The following COLEC12 variants were observed in gnomAD, a reference collection of about 807,000 sequenced individuals.
COLEC12 encodes the protein collectin-12.
In COLEC12, 33 loss-of-function variants were observed where a neutral mutation model predicts 71.1. That is an observed-to-expected ratio of 0.46 (90% CI 0.35 to 0.62). COLEC12 has a LOEUF of 0.62. Among genes scored for constraint, COLEC12 ranks in the 20% least tolerant of loss-of-function variants. The probability of loss-of-function intolerance (pLI) is 0.00; values close to 1 mark genes in which losing one functional copy is unlikely to be tolerated. For synonymous variants in COLEC12, 350 were observed against 353.0 expected, an observed-to-expected ratio of 0.99 and a Z score of 0.10; for missense variants, 765 against 916.1, an observed-to-expected ratio of 0.84 and a Z score of 2.13.
rs868490881 is a variant in COLEC12 at position 368,847 on chromosome 18, C to G, written c.59-11325G>C. Among the ~76,000 whole-genome samples the G allele has an allele frequency of 3.9e-5, 6 of 152,326 alleles. No individual in the cohort carries two copies. In the East Asian group the frequency reaches 1.2e-3, roughly 29 times the overall value. On this transcript the variant is annotated intron_variant, in intron 2 of 9. Coordinates refer to ENST00000400256, the MANE Select transcript of COLEC12 (RefSeq NM_130386.3). ...CGTCACTGCACTCCAGCCTGGGCAA[C>G]AGAGCGAGACTCCGTCTCAAAAACA...
At chr18:338,393 T>C (rs1914167305) in intron 5 of COLEC12, among the ~76,000 whole-genome samples, 2 of 152,150 alleles carry the variant, frequency 1.3e-5, no homozygotes, top group African/African-American at 4.8e-5. Context: ...CCAGGTGAGA[T>C]CAGTAGGGAC....
chr18:335,008 G>A lies in COLEC12; in HGVS notation c.1550C>T (p.Pro517Leu). 6.3e-7 allele frequency: 1 copy of A among 1,584,400 alleles called. No homozygotes were observed. The highest frequency in any genetic ancestry group is 8.5e-7 in the Non-Finnish European group (1 of 1,170,658). Residue 517 changes from proline (P) to leucine (L), a missense_variant, in exon 6 of 10, where the codon CCC becomes CTC. Coordinates refer to ENST00000400256, the MANE Select transcript of COLEC12 (RefSeq NM_130386.3). The stretch of plus-strand genomic sequence containing the variant: ...GTCCCCACTGGAGCCCTGAGGGCCG[G>A]GCTTCCCAGGGGAACCACGGGAGCC... The part of the protein sequence containing the change: ...PKGSRGSPGK[P>L]GPQGSSGDPG...
At chr18:372,874 G>T (rs1456059969) in intron 2 of COLEC12, among the ~76,000 whole-genome samples, 6 of 152,200 alleles carry the variant, frequency 3.9e-5, no homozygotes, top group Non-Finnish European at 8.8e-5. Context: ...TCCACATGTA[G>T]TCCCATATTC....
At chr18:323,454 A>G (rs1449721888) in intron 8 of COLEC12, among the ~76,000 whole-genome samples, 3 of 152,214 alleles carry the variant, frequency 2.0e-5, no homozygotes, top group Non-Finnish European at 4.4e-5. Flanking sequence ...GAGAAGAGAC[A>G]AAGTCCCAAC....
In COLEC12 at chr18:347,053, C is replaced by T. The variant is rs1308695137; in HGVS notation, c.569G>A (p.Gly190Asp). The change falls in exon 5 of 10, where the codon GGC becomes GAC. Residue 190 changes from glycine to aspartate, a missense_variant. Physicochemically the swap from Gly to Asp is moderately conservative, Grantham distance 94 (BLOSUM62 -1). Coordinates refer to ENST00000400256, the MANE Select transcript of COLEC12 (RefSeq NM_130386.3). ...AGAATACATTTGGTTCTGCAGATTG[C>T]CCTGGAGCACGCTGGTATCTTGCTG... ...NLQQDTSVLQ[G>D]NLQNQMYSHN... 2 of 1,614,164 alleles carry T rather than the reference C, an allele frequency of 1.2e-6. No homozygotes were observed. The highest frequency in any genetic ancestry group is 1.1e-5 in the South Asian group (1 of 91,068).
At chr18:489,886 GA>G (rs893612699) in intron 1 of COLEC12, among the ~76,000 whole-genome samples, 5 of 151,948 alleles carry the variant, frequency 3.3e-5, no homozygotes, top group African/African-American at 1.2e-4. Context: ...TACTTAAGAT[GA>G]AAAAAAAGTG....
intron 2 of COLEC12, among the ~76,000 whole-genome samples, chr18:432,061 C>T (rs1916314982): frequency 6.6e-6 from 1 of 152,156 alleles, no homozygotes; most frequent in African/African-American, 2.4e-5. Flanking sequence ...AAGATCACTG[C>T]TGTCATTAAC....
At position 442,661 on chromosome 18, in the gene COLEC12, T is replaced by C. The variant is rs192014691; in HGVS notation, c.58+38046A>G. On this transcript the variant is annotated intron_variant, in intron 2 of 9. Transcript: ENST00000400256. ...TCTTCTGCACAATCCTACAGGCATC[T>C]GTCTAAAAGCTGCAAGTCAGCCGGG... Among the ~76,000 whole-genome samples the C allele has an allele frequency of 3.2e-3, 481 of 152,342 alleles. 4 individuals are homozygous for C. The highest frequency in any genetic ancestry group is 0.011 in the African/African-American group (466 of 41,578).
Position 480,881 on chromosome 18 carries a change from C to G in COLEC12, c.8-124G>C, listed in dbSNP as rs926067482. ...AGCAGCTTTCCTTCTGCTCGTGGATCGCACCAGGCTTTCTGGAAGAGGCGG... is the reference window on the plus strand; with the variant it reads ...AGCAGCTTTCCTTCTGCTCGTGGATGGCACCAGGCTTTCTGGAAGAGGCGG... On this transcript the variant is annotated intron_variant, in intron 1 of 9. Transcript: ENST00000400256. This position sits in a 1 kb window ranked among gnomAD's most constrained non-coding sequence, Gnocchi z 4.1. The G allele has an allele frequency of 1.9e-5, 16 of 856,550 alleles. No individual in the cohort carries two copies. The highest frequency in any genetic ancestry group is 3.0e-5 in the Non-Finnish European group (15 of 498,980). The allele number at this position is 856,550 out of a possible 1,614,324, so 53.1% of individuals were successfully genotyped here.
rs1914406481 is a variant in COLEC12 at position 347,284 on chromosome 18, G to C, written c.338C>G (p.Ser113Ter). 6.2e-7 allele frequency: 1 copy of C among 1,614,162 alleles called. No homozygotes were observed. Among genetic ancestry groups the C allele is most frequent in the Non-Finnish European group, 8.5e-7 (1 of 1,180,030 alleles). Residue 113 changes from serine to a stop codon, truncating the protein, a stop_gained, in exon 5 of 10, where the codon TCA (serine) becomes TGA (stop). Transcript: ENST00000400256. LOFTEE classifies it high-confidence loss of function. Reference protein sequence around the residue: ...STNSELSTFRSDILDLRQQLR... With the variant: ...STNSELSTFR The stretch of plus-strand genomic sequence containing the variant: ...TTGCTGACGGAGATCTAGAATGTCT[G>C]ATCTGAAGGTGGAGAGTTCTGAGTT...
At chr18:328,525 A>G (rs1366062103) in intron 8 of COLEC12, among the ~76,000 whole-genome samples, 1 of 152,206 alleles carries the variant, frequency 6.6e-6, no homozygotes, top group East Asian at 1.9e-4. Flanking sequence ...TGCAACTGCT[A>G]ACTAATATGA....
chr18:324,349 A>G (rs147688082), intron 8 of COLEC12, among the ~76,000 whole-genome samples: 150 of 152,352 alleles, frequency 9.8e-4, no homozygotes, highest in African/African-American at 3.3e-3. Flanking sequence ...TCTGGGGCTC[A>G]AAGCCCTGAA....
intron 2 of COLEC12, among the ~76,000 whole-genome samples, chr18:421,391 G>A (rs1248653887): frequency 6.6e-6 from 1 of 151,914 alleles, no homozygotes; most frequent in Non-Finnish European, 1.5e-5. Context: ...ATTTTTCTTT[G>A]AGAAAAGCCA....
chr18:419,724 C>A (rs1916059803), intron 2 of COLEC12, among the ~76,000 whole-genome samples: 1 of 152,204 alleles, frequency 6.6e-6, no homozygotes, highest in African/African-American at 2.4e-5. Flanking sequence ...GATATGTCAT[C>A]TGTGGTAGAT....
intron 2 of COLEC12, among the ~76,000 whole-genome samples, chr18:443,237 T>C (rs1177260774): frequency 1.3e-5 from 2 of 152,242 alleles, no homozygotes; most frequent in Non-Finnish European, 2.9e-5. Context: ...ATCTAAAACA[T>C]AGTATGTACT....
At chr18:389,450 T>C in intron 2 of COLEC12, among the ~76,000 whole-genome samples, 1 of 151,914 alleles carries the variant, frequency 6.6e-6, no homozygotes, top group Non-Finnish European at 1.5e-5. Flanking sequence ...GGCTAATTTT[T>C]TGTATTTTTA....
intron 2 of COLEC12, among the ~76,000 whole-genome samples, chr18:359,281 G>A (rs8088154): frequency 3.9e-5 from 6 of 152,158 alleles, no homozygotes; most frequent in Non-Finnish European, 7.3e-5. Context: ...CAAACACCGC[G>A]AATTAGGATG....
In COLEC12 at chr18:348,503, T is replaced by C. The variant is rs972651969; in HGVS notation, c.182-340A>G. On this transcript the variant is annotated intron_variant, in intron 3 of 9. Transcript: ENST00000400256. ...CTGCTATTTCCTATATTAATTTCCA[T>C]AGATGAAGGCAAGGCACACTGTGAT... Among the ~76,000 whole-genome samples, 71 of 152,240 alleles carry C rather than the reference T, an allele frequency of 4.7e-4. 1 individual carries two copies. Among genetic ancestry groups the C allele is most frequent in the African/African-American group, 1.7e-3 (70 of 41,472 alleles).
At chr18:338,489 A>G (rs1164438878) in intron 5 of COLEC12, among the ~76,000 whole-genome samples, 1 of 152,166 alleles carries the variant, frequency 6.6e-6, no homozygotes, top group Non-Finnish European at 1.5e-5. Context: ...CTACGAAATA[A>G]TCATAAGGAG....
Sources: gnomAD v4.1 joint callset for allele counts (sites outside exome capture counted in the v4.1 genomes callset) on GRCh38, gnomAD v4.1.1 for gene constraint, Gnocchi (gnomAD v3.1) non-coding constraint, MANE v1.5 for transcripts, NCBI Gene and HGNC (gene_info 2026-07-23, HGNC 2026-07-21) for gene names.